The following HAT1 variants were observed in gnomAD, a reference collection of about 807,000 sequenced individuals.
HAT1 encodes the protein histone acetyltransferase type B catalytic subunit.
In HAT1, 20 loss-of-function variants were observed where a neutral mutation model predicts 56.6. The ratio of observed to expected loss-of-function variants is 0.35; its 90% CI spans 0.25 to 0.51. The LOEUF (loss-of-function observed/expected upper bound fraction) is 0.51, where lower values mean the gene tolerates loss of function less well. HAT1 is among the 20% of genes least tolerant of loss of function. The pLI is 0.95. For missense variants in HAT1, 408 were observed against 504.3 expected (o/e 0.81, Z 1.83); for synonymous variants, 146 against 165.5 (o/e 0.88, Z 0.91).
intron 8 of HAT1, among the ~76,000 whole-genome samples, chr2:171,969,536 TTA>T (rs1687763674): frequency 6.6e-6 from 1 of 152,348 alleles, no homozygotes; most frequent in East Asian, 1.9e-4. Flanking sequence ...AATTTTATCT[TTA>T]AATATGTTGC....
intron 5 of HAT1, 58 bp from the exon 6 acceptor site, chr2:171,965,729 G>A (rs1384480350): frequency 7.8e-6 from 12 of 1,545,424 alleles, no homozygotes; most frequent in Middle Eastern, 1.7e-4. Flanking sequence ...TGTGTTCTGC[G>A]GACTTTCACT....
At chr2:171,971,138 G>T (rs1332942269) in intron 8 of HAT1, among the ~76,000 whole-genome samples, 10 of 152,300 alleles carry the variant, frequency 6.6e-5, no homozygotes, top group Admixed American at 4.6e-4. Flanking sequence ...GGTGGAGCTT[G>T]AGTGAGCCAA....
At chr2:171,941,200 G>A (rs1407702449) in intron 2 of HAT1, among the ~76,000 whole-genome samples, 6 of 152,124 alleles carry the variant, frequency 3.9e-5, no homozygotes, top group Non-Finnish European at 8.8e-5. Context: ...GATAGGGTTG[G>A]TGTTTTTTTT....
At chr2:171,960,714 C>T (rs752185810) in intron 4 of HAT1, among the ~76,000 whole-genome samples, 3 of 152,002 alleles carry the variant, frequency 2.0e-5, no homozygotes, top group Non-Finnish European at 2.9e-5. Flanking sequence ...TCTGGTTGTC[C>T]TTGACCTTTG....
At chr2:171,926,008 G>A (rs532311011) in intron 2 of HAT1, among the ~76,000 whole-genome samples, 1 of 152,288 alleles carries the variant, frequency 6.6e-6, no homozygotes, top group African/African-American at 2.4e-5. Flanking sequence ...GGAATGTAAA[G>A]TGATATAACT....
At chr2:171,945,498 ATTT>A (rs71013093) in intron 2 of HAT1, among the ~76,000 whole-genome samples, 10 of 122,564 alleles carry the variant, frequency 8.2e-5, no homozygotes, top group Admixed American at 1.7e-4. Context: ...GCTATCTATA[ATTT>A]TTTTTTTTTT....
At chr2:171,970,183 A>G (rs1687779047) in intron 8 of HAT1, among the ~76,000 whole-genome samples, 1 of 152,034 alleles carries the variant, frequency 6.6e-6, no homozygotes. Context: ...ACACTTTGGG[A>G]GGTCGAGGCA....
intron 2 of HAT1, among the ~76,000 whole-genome samples, chr2:171,926,143 G>GGTCTC (rs1686585728): frequency 6.6e-6 from 1 of 151,328 alleles, no homozygotes; most frequent in South Asian, 2.1e-4. Flanking sequence ...AGACAAGGAA[G>GGTCTC]GTCTCACTCT....
chr2:171,969,709 G>A (rs1017264755), intron 8 of HAT1, among the ~76,000 whole-genome samples: 15 of 152,090 alleles, frequency 9.9e-5, no homozygotes, highest in African/African-American at 3.1e-4. Context: ...AGTCATAATG[G>A]CTTATTTAAA....
At position 171,939,445 on chromosome 2, in the gene HAT1, T is replaced by G. The variant is rs1375355784; in HGVS notation, c.113-7263T>G. Among the ~76,000 whole-genome samples, 3 of 152,198 alleles carry G rather than the reference T, an allele frequency of 2.0e-5. No homozygotes were observed. In the East Asian group the frequency reaches 5.8e-4, roughly 29 times the overall value. ...AAACAGGTTGAATATGTCACAAAAATAAGCAAGTTTTGTGACCCATTCTGT... is the reference window on the plus strand; with the variant it reads ...AAACAGGTTGAATATGTCACAAAAAGAAGCAAGTTTTGTGACCCATTCTGT... On this transcript the variant is annotated intron_variant, in intron 2 of 10. Coordinates refer to ENST00000264108, the MANE Select transcript of HAT1 (RefSeq NM_003642.4).
chr2:171,934,754 G>GT (rs71013091), intron 2 of HAT1, among the ~76,000 whole-genome samples: 65,985 of 128,376 alleles, frequency 0.51, 18,214 homozygotes, highest in Middle Eastern at 0.62. Flanking sequence ...ACTAGAGTGG[G>GT]TTTTTTTTTT....
chr2:171,959,297 T>C (rs1282062114), intron 4 of HAT1, among the ~76,000 whole-genome samples: 1 of 152,196 alleles, frequency 6.6e-6, no homozygotes, highest in Non-Finnish European at 1.5e-5. Context: ...AAAATGCAGG[T>C]GATGTTTTTC....
chr2:171,971,821 T>C (rs10439296), intron 8 of HAT1, among the ~76,000 whole-genome samples: 34,504 of 152,120 alleles, frequency 0.23, 4,937 homozygotes, highest in African/African-American at 0.38. Flanking sequence ...TTTCTTGAAA[T>C]GCTCGATGGT....
intron 8 of HAT1, among the ~76,000 whole-genome samples, chr2:171,974,203 AAAAG>A (rs1558163989): frequency 1.4e-5 from 1 of 73,722 alleles, no homozygotes; most frequent in African/African-American, 4.2e-5. Flanking sequence ...GAAAAAAAGA[AAAAG>A]AAAAAAAAAA....
In HAT1 at chr2:171,965,339, C is replaced by T. The variant is rs368019648; in HGVS notation, c.311C>T (p.Ala104Val). ...TTTTTTATATCCTTTATTCTTTAGG[C>T]AGATGATGTTGAGGGCAAAATTAGA... ...KVDENFDCVE[A>V]DDVEGKIRQI... Residue 104 changes from alanine (A) to valine (V), a missense_variant and splice_region_variant, in exon 5 of 11, where the codon GCA (alanine) becomes GTA (valine). Ala to Val is a moderately conservative substitution (Grantham distance 64, BLOSUM62 0). Transcript: ENST00000264108. 6.4e-6 allele frequency: 10 copies of T among 1,569,936 alleles called. No homozygotes were observed. Among genetic ancestry groups the T allele is most frequent in the Non-Finnish European group, 8.7e-6 (10 of 1,143,926 alleles).
At chr2:171,957,642 A>C (rs1243460020) in intron 4 of HAT1, among the ~76,000 whole-genome samples, 1 of 152,160 alleles carries the variant, frequency 6.6e-6, no homozygotes, top group Non-Finnish European at 1.5e-5. Context: ...TGTATTTTGC[A>C]TGTGGGATGG....
intron 8 of HAT1, among the ~76,000 whole-genome samples, chr2:171,970,974 G>A (rs1687801986): frequency 6.6e-6 from 1 of 152,108 alleles, no homozygotes; most frequent in Admixed American, 6.5e-5. Flanking sequence ...GCCGAGGCGG[G>A]CAGATCACAA....
intron 9 of HAT1, among the ~76,000 whole-genome samples, chr2:171,978,738 G>C (rs1044617757): frequency 6.6e-5 from 10 of 152,138 alleles, no homozygotes; most frequent in African/African-American, 1.9e-4. Flanking sequence ...GTAGCTGAAA[G>C]AGTGACTTAT....
intron 4 of HAT1, among the ~76,000 whole-genome samples, chr2:171,961,828 C>T (rs550400050): frequency 1.3e-5 from 2 of 150,900 alleles, no homozygotes; most frequent in African/African-American, 2.4e-5. Flanking sequence ...GTAGTTAAAG[C>T]TTAAATATTA....
Sources: allele counts gnomAD v4.1 joint callset (sites outside exome capture counted in the v4.1 genomes callset), GRCh38; gene constraint gnomAD v4.1.1; transcripts MANE v1.5; gene names NCBI Gene and HGNC (gene_info 2026-07-23, HGNC 2026-07-21).